Variants in LEMD3 observed in about 807,000 individuals in gnomAD.
LEMD3 encodes LEM domain containing 3, also known as inner nuclear membrane protein Man1.
In LEMD3, 33 loss-of-function variants were observed where a neutral mutation model predicts 95.2. The ratio of observed to expected loss-of-function variants is 0.35; its 90% CI spans 0.26 to 0.46. LEMD3 has a LOEUF of 0.46. Among genes scored for constraint, LEMD3 ranks in the 20% least tolerant of loss-of-function variants. The pLI is 1.00. For missense variants in LEMD3, 1,210 were observed against 1,192.8 expected (o/e 1.01, Z -0.21); for synonymous variants, 525 against 474.6 (o/e 1.11, Z -1.38).
rs1012144075 is a variant in LEMD3, at chr12:65,241,169, T to A, written c.2305+82T>A. 2.4e-6 allele frequency: 3 copies of A among 1,226,358 alleles called. No homozygotes were observed. In the East Asian group the frequency reaches 7.4e-5, roughly 30 times the overall value. 76.0% of individuals were successfully genotyped at this position (1,226,358 alleles called of 1,614,324 possible). A position where few individuals can be genotyped will look rare whatever the true frequency, so the allele number is the denominator to read the frequency against. ...ATATGTGTTAAGTGAAACAGTACAA[T>A]TCAAAGATGTATGAAGGCAAAACTC... On this transcript the variant is annotated intron_variant, in intron 9 of 12. Transcript: ENST00000308330.
At chr12:65,203,570 T>A (rs1224248832) in intron 1 of LEMD3, among the ~76,000 whole-genome samples, 1 of 152,174 alleles carries the variant, frequency 6.6e-6, no homozygotes, top group Non-Finnish European at 1.5e-5. Flanking sequence ...GTGGTCTGTC[T>A]TGGTGAACAT....
chr12:65,240,863 G>A, intron 8 of LEMD3, 46 bp from the exon 9 acceptor site: 1 of 1,541,006 alleles, frequency 6.5e-7, no homozygotes, highest in Non-Finnish European at 9.0e-7. Context: ...TCAAAAAGAT[G>A]ACAAGCCAAG....
At chr12:65,191,661 G>A (rs1387965504) in intron 1 of LEMD3, among the ~76,000 whole-genome samples, 4 of 152,084 alleles carry the variant, frequency 2.6e-5, no homozygotes, top group Non-Finnish European at 4.4e-5. Flanking sequence ...GGCTGGGCAT[G>A]GTGGCTCATA....
rs191045653 is a variant in LEMD3, at chr12:65,193,934, T to C, written c.1523-16992T>C. 1.1e-4 allele frequency among the ~76,000 whole-genome samples: 17 copies of C among 152,242 alleles called. No homozygotes were observed. The East Asian group carries it at 1.4e-3, about 12-fold the overall frequency. On this transcript the variant is annotated intron_variant, in intron 1 of 12. Transcript: ENST00000308330. ...ACATCTAGTAAAGATAACAAACTTA[T>C]TTGACTAGTAAAAGCAGGTAAAATA...
intron 1 of LEMD3, among the ~76,000 whole-genome samples, chr12:65,192,240 T>C (rs1456093660): frequency 1.3e-5 from 2 of 152,200 alleles, no homozygotes; most frequent in Non-Finnish European, 2.9e-5. Flanking sequence ...TTAAGGGTCA[T>C]CATTTTTAAA....
intron 9 of LEMD3, among the ~76,000 whole-genome samples, chr12:65,243,001 A>G (rs2136356719): frequency 6.6e-6 from 1 of 152,236 alleles, no homozygotes; most frequent in South Asian, 2.1e-4. Flanking sequence ...TGTACAAGCA[A>G]TCACCTCTGC....
chr12:65,180,670 C>G (rs4762085), intron 1 of LEMD3, among the ~76,000 whole-genome samples: 151,292 of 152,262 alleles, frequency 0.99, 75,174 homozygotes, highest in Middle Eastern at 1. Flanking sequence ...TTCCTGGGTG[C>G]TAGATTTATT....
intron 4 of LEMD3, among the ~76,000 whole-genome samples, chr12:65,229,283 C>T (rs1172713757): frequency 6.6e-6 from 1 of 152,064 alleles, no homozygotes; most frequent in Non-Finnish European, 1.5e-5. Context: ...TTTCTTTATT[C>T]ATCTGTTAAT....
chr12:65,190,357 G>A (rs1452874007), intron 1 of LEMD3, among the ~76,000 whole-genome samples: 1 of 152,038 alleles, frequency 6.6e-6, no homozygotes, highest in Non-Finnish European at 1.5e-5. Flanking sequence ...GGTTGGACAC[G>A]TCTCATTTAT....
At chr12:65,173,006 A>G (rs1258247512) in intron 1 of LEMD3, among the ~76,000 whole-genome samples, 2 of 152,204 alleles carry the variant, frequency 1.3e-5, no homozygotes, top group African/African-American at 4.8e-5. Context: ...CCAGCAACTC[A>G]CAGAAGCAGG....
At chr12:65,195,766 A>G (rs149927454) in intron 1 of LEMD3, among the ~76,000 whole-genome samples, 1 of 152,288 alleles carries the variant, frequency 6.6e-6, no homozygotes, top group East Asian at 1.9e-4. Context: ...TGCCTTCTCC[A>G]TTCTAAGAAT....
At chr12:65,176,214 CTTAG>C (rs1194442059) in intron 1 of LEMD3, among the ~76,000 whole-genome samples, 1 of 152,202 alleles carries the variant, frequency 6.6e-6, no homozygotes, top group Non-Finnish European at 1.5e-5. Context: ...ATGGCTTTCT[CTTAG>C]TTATTGGCCA....
At chr12:65,174,182 C>G (rs1189450147) in intron 1 of LEMD3, among the ~76,000 whole-genome samples, 4 of 152,084 alleles carry the variant, frequency 2.6e-5, no homozygotes, top group Non-Finnish European at 5.9e-5. Context: ...ATCATATAGT[C>G]TTTGAAACTT....
At chr12:65,214,574 A>G (rs1194499914) in intron 2 of LEMD3, among the ~76,000 whole-genome samples, 1 of 152,212 alleles carries the variant, frequency 6.6e-6, no homozygotes, top group Non-Finnish European at 1.5e-5. Context: ...TGCCACCCAT[A>G]GTGTGCAAAC....
At chr12:65,241,400 C>A (rs931940036) in intron 9 of LEMD3, among the ~76,000 whole-genome samples, 5 of 151,294 alleles carry the variant, frequency 3.3e-5, no homozygotes, top group African/African-American at 1.2e-4. Context: ...AAATAAGACA[C>A]ATAATTTATG....
intron 1 of LEMD3, among the ~76,000 whole-genome samples, chr12:65,192,815 A>C (rs116683978): frequency 1.2e-3 from 186 of 152,300 alleles, no homozygotes; most frequent in African/African-American, 4.1e-3. Flanking sequence ...TATTCAATGA[A>C]TATCTGTCAT....
At position 65,187,152 on chromosome 12, in the gene LEMD3, G is replaced by A. The variant is rs574744735; in HGVS notation, c.1522+16034G>A. 3.3e-5 allele frequency among the ~76,000 whole-genome samples: 5 copies of A among 152,102 alleles called. No individual in the cohort carries two copies. In the South Asian group the frequency reaches 1.0e-3, roughly 32 times the overall value. ...ATAAGATCATCTTAGGATTTAAAAG[G>A]GTTTTAGAAGCCATTAGCTACTTTA... On this transcript the variant is annotated intron_variant, in intron 1 of 12. Transcript: ENST00000308330.
chr12:65,229,994 A>G (rs1474565444), intron 4 of LEMD3, among the ~76,000 whole-genome samples: 1 of 152,160 alleles, frequency 6.6e-6, no homozygotes, highest in African/African-American at 2.4e-5. Flanking sequence ...ATTTTTGTGT[A>G]TGGTGAGAAA....
chr12:65,197,606 C>G (rs1467744120), intron 1 of LEMD3, among the ~76,000 whole-genome samples: 1 of 152,060 alleles, frequency 6.6e-6, no homozygotes, highest in East Asian at 1.9e-4. Context: ...GTCTCTGTTT[C>G]CTGAATGACT....
Sources: allele counts gnomAD v4.1 joint callset (sites outside exome capture counted in the v4.1 genomes callset), GRCh38; gene constraint gnomAD v4.1.1; transcripts MANE v1.5; gene names NCBI Gene and HGNC (gene_info 2026-07-23, HGNC 2026-07-21).